The following ACVR1C variants were observed in gnomAD, a reference collection of about 807,000 sequenced individuals.
ACVR1C encodes activin A receptor type 1C, also known as activin receptor type-1C.
Under a neutral mutation model 57.9 loss-of-function variants are expected in ACVR1C, and 23 were observed. The observed-to-expected ratio is 0.40, with a 90% confidence interval of 0.29 to 0.56. The LOEUF is 0.56. Among genes scored for constraint, ACVR1C ranks in the 20% least tolerant of loss-of-function variants. The pLI is 0.50. For synonymous variants in ACVR1C, 214 were observed against 215.3 expected (o/e 0.99, Z 0.05); for missense variants, 480 against 607.9 (o/e 0.79, Z 2.21).
chr2:157,526,883 G>T lies in ACVR1C; in HGVS notation c.*7035C>A, dbSNP rs1206890746. 1.3e-5 allele frequency: 2 copies of T among 152,056 alleles called. No homozygotes were observed. The highest frequency in any genetic ancestry group is 2.9e-5 in the Non-Finnish European group (2 of 67,982). 9.4% of individuals were successfully genotyped at this position (152,056 alleles called of 1,614,324 possible). ...ACAAAACAATACATTTTCAGAAAAT[G>T]CATACATAAAAATATAACATTTAGG... On this transcript the variant is annotated 3_prime_UTR_variant, in exon 9 of 9. Coordinates refer to ENST00000243349, the MANE Select transcript of ACVR1C (RefSeq NM_145259.3).
intron 2 of ACVR1C, among the ~76,000 whole-genome samples, chr2:157,574,374 A>C (rs1361332737): frequency 6.6e-6 from 1 of 152,176 alleles, no homozygotes; most frequent in Non-Finnish European, 1.5e-5. Flanking sequence ...CACTAGTCTC[A>C]TTCATGAGGG....
In ACVR1C at chr2:157,532,206, T is replaced by C. The variant is rs752181972; in HGVS notation, c.*1712A>G. 7 of 152,070 alleles carry C rather than the reference T, an allele frequency of 4.6e-5. No homozygotes were observed. Among genetic ancestry groups the C allele is most frequent in the Non-Finnish European group, 8.8e-5 (6 of 67,996 alleles). The allele number at this position is 152,070 out of a possible 1,614,324, so 9.4% of individuals were successfully genotyped here. The stretch of plus-strand genomic sequence containing the variant: ...TACTCTATGAGAAAATACAGAAGTA[T>C]ATCCTTCAGAACGCTATTACCCAAG... On this transcript the variant is annotated 3_prime_UTR_variant, in exon 9 of 9. Transcript: ENST00000243349.
At chr2:157,574,998 A>G (rs1688608252) in intron 2 of ACVR1C, among the ~76,000 whole-genome samples, 1 of 152,096 alleles carries the variant, frequency 6.6e-6, no homozygotes, top group African/African-American at 2.4e-5. Flanking sequence ...GTCTTGCTCT[A>G]TCACCCAGGC....
At chr2:157,609,277 C>T (rs1031029495) in intron 1 of ACVR1C, among the ~76,000 whole-genome samples, 2 of 151,674 alleles carry the variant, frequency 1.3e-5, no homozygotes, top group Non-Finnish European at 3.0e-5. Flanking sequence ...TGTATAGTTT[C>T]CAAATTTCCT....
At chr2:157,554,289 G>GAGAA (rs1476073203) in intron 3 of ACVR1C, among the ~76,000 whole-genome samples, 1 of 100,920 alleles carries the variant, frequency 9.9e-6, no homozygotes, top group African/African-American at 4.6e-5. Context: ...GGAAGAGAGA[G>GAGAA]AGAGAGAGAA....
intron 1 of ACVR1C, among the ~76,000 whole-genome samples, chr2:157,602,710 T>C (rs1000463690): frequency 1.3e-5 from 2 of 152,168 alleles, no homozygotes; most frequent in South Asian, 2.1e-4. Context: ...ACTATAAATA[T>C]GAAAAGTAAA....
intron 1 of ACVR1C, among the ~76,000 whole-genome samples, chr2:157,606,425 A>G (rs758835320): frequency 6.6e-5 from 10 of 151,810 alleles, no homozygotes; most frequent in Non-Finnish European, 1.5e-4. Flanking sequence ...CCCACAGTGT[A>G]TAAGAGTTCA....
intron 3 of ACVR1C, among the ~76,000 whole-genome samples, chr2:157,553,954 A>C (rs1573914588): frequency 6.6e-6 from 1 of 151,864 alleles, no homozygotes; most frequent in Non-Finnish European, 1.5e-5. Flanking sequence ...TGGCCAAGGC[A>C]GGCAGATCAC....
chr2:157,561,737 C>G (rs1688233224), intron 2 of ACVR1C, among the ~76,000 whole-genome samples: 1 of 152,208 alleles, frequency 6.6e-6, no homozygotes, highest in Admixed American at 6.5e-5. Context: ...CCTGCCACTT[C>G]ACAGCATCCT....
At chr2:157,554,355 GAA>G (rs1688036642) in intron 3 of ACVR1C, among the ~76,000 whole-genome samples, 2 of 119,974 alleles carry the variant, frequency 1.7e-5, no homozygotes, top group African/African-American at 3.4e-5. Flanking sequence ...GAAAGAAAGA[GAA>G]AGAAAGAAAG....
At chr2:157,560,786 A>G (rs1688215380) in intron 2 of ACVR1C, among the ~76,000 whole-genome samples, 1 of 152,220 alleles carries the variant, frequency 6.6e-6, no homozygotes, top group South Asian at 2.1e-4. Flanking sequence ...ACTGTTTACT[A>G]GAATAAAATA....
intron 1 of ACVR1C, among the ~76,000 whole-genome samples, chr2:157,599,161 C>T (rs1036833283): frequency 8.6e-5 from 13 of 151,438 alleles, no homozygotes; most frequent in African/African-American, 3.2e-4. Context: ...AGTGAAACCC[C>T]GTCTCCACTA....
At chr2:157,578,586 C>G (rs1486377581) in intron 2 of ACVR1C, among the ~76,000 whole-genome samples, 2 of 152,032 alleles carry the variant, frequency 1.3e-5, no homozygotes, top group Non-Finnish European at 2.9e-5. Context: ...TTCTTTCTGC[C>G]TGAAGTACCT....
At chr2:157,605,035 T>C (rs1573950731) in intron 1 of ACVR1C, among the ~76,000 whole-genome samples, 1 of 151,984 alleles carries the variant, frequency 6.6e-6, no homozygotes, top group Middle Eastern at 3.4e-3. Flanking sequence ...TTTTAGATTT[T>C]ATTCTTAGGT....
chr2:157,601,594 A>G (rs898785281), intron 1 of ACVR1C, among the ~76,000 whole-genome samples: 1 of 152,226 alleles, frequency 6.6e-6, no homozygotes, highest in East Asian at 1.9e-4. Flanking sequence ...ATAGTGATAT[A>G]AAACAAAACA....
intron 1 of ACVR1C, among the ~76,000 whole-genome samples, chr2:157,621,665 T>G (rs778981320): frequency 3.9e-5 from 6 of 152,276 alleles, no homozygotes; most frequent in Admixed American, 1.3e-4. Flanking sequence ...ACTTTCTACT[T>G]TTTCCCTCAC....
intron 2 of ACVR1C, among the ~76,000 whole-genome samples, chr2:157,576,537 G>A (rs1388988366): frequency 2.0e-5 from 3 of 152,016 alleles, no homozygotes; most frequent in Non-Finnish European, 4.4e-5. Context: ...AAAAAAATAA[G>A]TCTATCATTG....
chr2:157,628,165 A>C (rs1025546472), intron 1 of ACVR1C, among the ~76,000 whole-genome samples: 24 of 152,206 alleles, frequency 1.6e-4, no homozygotes, highest in African/African-American at 5.3e-4. Context: ...GGGGCTTAGC[A>C]CAGAGCGCGT....
Position 157,538,583 on chromosome 2 carries a change from T to C in ACVR1C, c.1346A>G (p.Gln449Arg). 6.4e-7 allele frequency: 1 copy of C among 1,561,236 alleles called. No individual in the cohort carries two copies. Residue 449 changes from glutamine (Q) to arginine (R), a missense_variant, in exon 8 of 9, where the codon CAA becomes CGA. Gln to Arg is a conservative substitution (Grantham distance 43, BLOSUM62 1). Coordinates refer to ENST00000243349, the MANE Select transcript of ACVR1C (RefSeq NM_145259.3). Reference sequence around the variant, plus strand: ...AAAACATGGCCTTACTTCACAACTTTGCCACTGGTTTGGGATACTTGGTCG... The same window carrying C: ...AAAACATGGCCTTACTTCACAACTTCGCCACTGGTTTGGGATACTTGGTCG... ...KFRPSIPNQW[Q>R]SCEALRVMGR...
Sources: gnomAD v4.1 joint callset for allele counts (sites outside exome capture counted in the v4.1 genomes callset) on GRCh38, gnomAD v4.1.1 for gene constraint, MANE v1.5 for transcripts, NCBI Gene and HGNC (gene_info 2026-07-23, HGNC 2026-07-21) for gene names.